Variants in DAB1 observed in about 807,000 individuals in gnomAD.
The protein encoded by DAB1 is DAB adaptor protein 1.
In DAB1, 15 loss-of-function variants were observed where a neutral mutation model predicts 64.6. The ratio of observed to expected loss-of-function variants is 0.23; its 90% CI spans 0.16 to 0.36. DAB1 has a LOEUF of 0.36. DAB1 is among the 10% of genes least tolerant of loss of function. The pLI is 1.00. For synonymous variants in DAB1, 235 were observed against 251.9 expected (o/e 0.93, Z 0.64); for missense variants, 596 against 706.7 (o/e 0.84, Z 1.78).
intron 6 of DAB1, among the ~76,000 whole-genome samples, chr1:57,714,629 G>A (rs183309283): frequency 1.1e-3 from 172 of 152,292 alleles, no homozygotes; most frequent in Admixed American, 2.1e-3. Context: ...GAAGCCCCAC[G>A]TGGCTGCACA....
At chr1:58,544,655 T>C (rs1302565728) in intron 1 of DAB1, among the ~76,000 whole-genome samples, 2 of 152,154 alleles carry the variant, frequency 1.3e-5, no homozygotes, top group African/African-American at 4.8e-5. Context: ...AGTGCAGTGG[T>C]GCCACCTCGG....
chr1:58,517,985 G>A (rs543724479), intron 2 of DAB1, among the ~76,000 whole-genome samples: 166 of 151,418 alleles, frequency 1.1e-3, no homozygotes, highest in Middle Eastern at 0.01. Context: ...TTGGGAGTTC[G>A]AGACCAGCCT....
At chr1:57,283,585 G>T (rs955410298) in intron 2 of DAB1, among the ~76,000 whole-genome samples, 1 of 152,156 alleles carries the variant, frequency 6.6e-6, no homozygotes, top group African/African-American at 2.4e-5. Flanking sequence ...AGAAGTTGAG[G>T]CCCAGAAAGA....
intron 1 of DAB1, among the ~76,000 whole-genome samples, chr1:57,399,525 G>A (rs1306105109): frequency 1.3e-5 from 2 of 152,180 alleles, no homozygotes; most frequent in African/African-American, 4.8e-5. Context: ...TAGAAGGTAG[G>A]CCAAGTTGAA....
chr1:57,227,079 G>C (rs1030836262), intron 2 of DAB1, among the ~76,000 whole-genome samples: 17 of 152,078 alleles, frequency 1.1e-4, no homozygotes, highest in African/African-American at 3.1e-4. Context: ...GGAGGCAAAG[G>C]GGGGAGGATC....
chr1:57,845,748 A>G (rs1470743948), intron 1 of DAB1, among the ~76,000 whole-genome samples: 1 of 152,222 alleles, frequency 6.6e-6, no homozygotes, highest in Admixed American at 6.5e-5. Flanking sequence ...TCAAATGATT[A>G]AATGAATAAA....
intron 1 of DAB1, among the ~76,000 whole-genome samples, chr1:57,305,486 C>T (rs942572165): frequency 6.6e-5 from 10 of 152,310 alleles, no homozygotes; most frequent in African/African-American, 2.2e-4. Flanking sequence ...AGGTCAGCTT[C>T]CCAGAGCAGG....
At position 58,313,856 on chromosome 1, in the gene DAB1, T is replaced by TGTGTGTGAGA. The variant is rs369709762; in HGVS notation, n.309+29495_309+29496insTCTCACACAC. 2.1e-4 allele frequency among the ~76,000 whole-genome samples: 23 copies of TGTGTGTGAGA among 112,168 alleles called. No individual in the cohort carries two copies. The East Asian group carries it at 2.1e-3, about 10-fold the overall frequency. 73.6% of individuals were successfully genotyped at this position (112,168 alleles called of 152,430 possible). On this transcript the variant is annotated intron_variant and non_coding_transcript_variant, in intron 4 of 20. Transcript: ENST00000485760. ...GTGTGTGTGTGTGTGTGTGTGTGTG[T>TGTGTGTGAGA]GAGAGAGAGAGAGAGAGAGAGAGAT...
At position 57,597,072 on chromosome 1, in the gene DAB1, G is replaced by A. The variant is rs560543681; in HGVS notation, n.625+52520C>T. On this transcript the variant is annotated intron_variant and non_coding_transcript_variant, in intron 7 of 20. Transcript: ENST00000485760. ...AGGCCCTTTGAAATTCACATCATTCGCACCAACACCCCCGCTCAGCTCAGA... is the reference window on the plus strand; with the variant it reads ...AGGCCCTTTGAAATTCACATCATTCACACCAACACCCCCGCTCAGCTCAGA... Among the ~76,000 whole-genome samples the A allele has an allele frequency of 4.6e-5, 7 of 152,198 alleles. No individual in the cohort carries two copies. The South Asian group carries it at 1.2e-3, about 27-fold the overall frequency.
intron 7 of DAB1, among the ~76,000 whole-genome samples, chr1:57,468,521 G>C (rs1315218124): frequency 6.6e-6 from 1 of 152,182 alleles, no homozygotes; most frequent in Non-Finnish European, 1.5e-5. Context: ...TCTATAATTT[G>C]GTGATCTCAG....
intron 4 of DAB1, among the ~76,000 whole-genome samples, chr1:57,106,335 G>T (rs1655154820): frequency 6.7e-6 from 1 of 149,410 alleles, no homozygotes; most frequent in Middle Eastern, 3.2e-3. Flanking sequence ...CAAGACACAG[G>T]CTCATTAAGT....
intron 4 of DAB1, among the ~76,000 whole-genome samples, chr1:58,290,779 C>A (rs1409439489): frequency 6.6e-6 from 1 of 152,174 alleles, no homozygotes; most frequent in Non-Finnish European, 1.5e-5. Flanking sequence ...GATGCTTTCT[C>A]AAGCCACTGC....
intron 5 of DAB1, among the ~76,000 whole-genome samples, chr1:57,891,554 C>T (rs1466728804): frequency 2.6e-5 from 4 of 152,174 alleles, no homozygotes; most frequent in African/African-American, 9.7e-5. Context: ...AAGACACATG[C>T]ACACGTATGT....
chr1:58,434,381 C>T (rs1359882204), intron 3 of DAB1, among the ~76,000 whole-genome samples: 1 of 148,936 alleles, frequency 6.7e-6, no homozygotes, highest in African/African-American at 2.5e-5. Context: ...ACAGGATTTC[C>T]TGAGGGCGTG....
chr1:57,222,054 C>G (rs1252536327), intron 2 of DAB1, among the ~76,000 whole-genome samples: 1 of 152,104 alleles, frequency 6.6e-6, no homozygotes, highest in African/African-American at 2.4e-5. Context: ...CAAATATTTT[C>G]TCATTAGATC....
At chr1:58,318,856 G>A (rs144564399) in intron 4 of DAB1, among the ~76,000 whole-genome samples, 8 of 152,128 alleles carry the variant, frequency 5.3e-5, no homozygotes, top group Admixed American at 6.5e-5. Flanking sequence ...TCCCCTTTCC[G>A]AGGTGCCGAA....
intron 3 of DAB1, among the ~76,000 whole-genome samples, chr1:58,434,672 G>A (rs1644922197): frequency 6.6e-6 from 1 of 152,176 alleles, no homozygotes; most frequent in African/African-American, 2.4e-5. Flanking sequence ...CACCAATACA[G>A]TGTGTGTAAC....
chr1:58,505,418 T>C (rs1423971500), intron 3 of DAB1, among the ~76,000 whole-genome samples: 2 of 152,154 alleles, frequency 1.3e-5, no homozygotes, highest in Non-Finnish European at 2.9e-5. Flanking sequence ...TTTGTCCTGA[T>C]ATGGAAACCA....
chr1:57,911,010 C>T (rs1390028764), intron 5 of DAB1, among the ~76,000 whole-genome samples: 1 of 152,222 alleles, frequency 6.6e-6, no homozygotes, highest in Non-Finnish European at 1.5e-5. Context: ...TATGTAGGAG[C>T]AGCTATGATT....
Sources: allele counts gnomAD v4.1 joint callset (sites outside exome capture counted in the v4.1 genomes callset), GRCh38; gene constraint gnomAD v4.1.1; transcripts MANE v1.5; gene names NCBI Gene and HGNC (gene_info 2026-07-23, HGNC 2026-07-21).